MAGI2: variants seen among roughly 807,000 people sequenced by gnomAD.
The protein encoded by MAGI2 is membrane-associated guanylate kinase, WW and PDZ domain-containing protein 2.
In MAGI2, 35 loss-of-function variants were observed where a neutral mutation model predicts 133.3. The ratio of observed to expected loss-of-function variants is 0.26; its 90% CI spans 0.20 to 0.35. The LOEUF (loss-of-function observed/expected upper bound fraction) is 0.35, where lower values mean the gene tolerates loss of function less well. MAGI2 is among the 10% of genes least tolerant of loss of function. MAGI2 has a pLI of 1.00. For synonymous variants in MAGI2, 729 were observed against 710.6 expected (o/e 1.03, Z -0.41); for missense variants, 1,636 against 1,863.4 (o/e 0.88, Z 2.25).
intron 21 of MAGI2, among the ~76,000 whole-genome samples, chr7:78,032,095 T>C (rs1809652029): frequency 6.6e-6 from 1 of 151,084 alleles, no homozygotes; most frequent in Non-Finnish European, 1.5e-5. Flanking sequence ...CCTGGAGCTG[T>C]CCAATTGTGT....
rs73701605 is a variant in MAGI2, at chr7:78,545,790, G to C, written c.539-24145C>G. On this transcript the variant is annotated intron_variant, in intron 3 of 21. Transcript: ENST00000354212. ...CATTAAATTTAGTCAACATGAGACTGATTAACTGGAATTTATTTAAAATTT... is the reference window on the plus strand; with the variant it reads ...CATTAAATTTAGTCAACATGAGACTCATTAACTGGAATTTATTTAAAATTT... Among the ~76,000 whole-genome samples, 923 of 152,248 alleles carry C rather than the reference G, an allele frequency of 6.1e-3. 5 individuals are homozygous for C. Among genetic ancestry groups the C allele is most frequent in the African/African-American group, 0.019 (791 of 41,536 alleles).
chr7:79,325,506 T>C (rs1306496541), intron 1 of MAGI2, among the ~76,000 whole-genome samples: 5 of 152,144 alleles, frequency 3.3e-5, no homozygotes, highest in African/African-American at 1.2e-4. Context: ...AATAGGTGTA[T>C]CAGTTATGGT....
intron 1 of MAGI2, among the ~76,000 whole-genome samples, chr7:79,151,763 T>G (rs1332953609): frequency 6.6e-6 from 1 of 152,126 alleles, no homozygotes; most frequent in Non-Finnish European, 1.5e-5. Context: ...AAGGTGTTTG[T>G]GGAGAGACAA....
At chr7:78,246,265 G>A (rs1165991594) in intron 10 of MAGI2, among the ~76,000 whole-genome samples, 4 of 152,130 alleles carry the variant, frequency 2.6e-5, no homozygotes, top group South Asian at 2.1e-4. Context: ...GAGGAGTCAT[G>A]TCCCACCAGT....
At chr7:78,961,861 G>A (rs1197368636) in intron 2 of MAGI2, among the ~76,000 whole-genome samples, 1 of 151,724 alleles carries the variant, frequency 6.6e-6, no homozygotes, top group Non-Finnish European at 1.5e-5. Flanking sequence ...AAACCTAGAT[G>A]GTATAGCCTA....
At chr7:78,919,575 A>T (rs902907938) in intron 2 of MAGI2, among the ~76,000 whole-genome samples, 1 of 152,264 alleles carries the variant, frequency 6.6e-6, no homozygotes, top group African/African-American at 2.4e-5. Flanking sequence ...TCAGTAATGT[A>T]TCACTTATTC....
At chr7:78,470,332 A>G (rs1304806895) in intron 6 of MAGI2, among the ~76,000 whole-genome samples, 1 of 152,148 alleles carries the variant, frequency 6.6e-6, no homozygotes, top group Non-Finnish European at 1.5e-5. Context: ...AACTATGTTT[A>G]ACCAGCACTG....
intron 10 of MAGI2, among the ~76,000 whole-genome samples, chr7:78,248,535 A>G (rs1792037686): frequency 6.6e-6 from 1 of 152,168 alleles, no homozygotes; most frequent in African/African-American, 2.4e-5. Flanking sequence ...ACTCACATTA[A>G]CCTTAAGGAC....
At chr7:79,278,237 G>A (rs1835378262) in intron 1 of MAGI2, among the ~76,000 whole-genome samples, 1 of 152,022 alleles carries the variant, frequency 6.6e-6, no homozygotes, top group African/African-American at 2.4e-5. Context: ...CCATGTAATG[G>A]GCCTGCTCCT....
intron 9 of MAGI2, among the ~76,000 whole-genome samples, chr7:78,280,916 G>A (rs932789046): frequency 6.7e-6 from 1 of 149,438 alleles, no homozygotes; most frequent in Non-Finnish European, 1.5e-5. Flanking sequence ...CTTCCCACCA[G>A]TTCACTCTAT....
chr7:79,162,863 T>G (rs1198365358), intron 1 of MAGI2, among the ~76,000 whole-genome samples: 4 of 152,102 alleles, frequency 2.6e-5, no homozygotes, highest in African/African-American at 4.8e-5. Context: ...AAGTCAGTCT[T>G]ATAACTTTGA....
At chr7:78,697,233 C>G (rs1376194490) in intron 2 of MAGI2, among the ~76,000 whole-genome samples, 1 of 152,086 alleles carries the variant, frequency 6.6e-6, no homozygotes, top group Admixed American at 6.6e-5. Context: ...AGTTGATTCT[C>G]CGCAGTGTTG....
intron 3 of MAGI2, among the ~76,000 whole-genome samples, chr7:78,580,779 G>C (rs983132617): frequency 1.3e-5 from 2 of 152,114 alleles, no homozygotes; most frequent in Non-Finnish European, 2.9e-5. Context: ...AACATTTGAT[G>C]AGGACAAATT....
chr7:78,453,221 A>T lies in MAGI2; in HGVS notation c.1045+36540T>A, dbSNP rs541161350. On this transcript the variant is annotated intron_variant, in intron 6 of 21. Coordinates refer to ENST00000354212, the MANE Select transcript of MAGI2 (RefSeq NM_012301.4). ...TTTCTCGACATGTACAGCAGTTAAA[A>T]CACCAAGGTACTGCAGGGACAGGTG... Among the ~76,000 whole-genome samples the T allele has an allele frequency of 5.9e-5, 9 of 152,298 alleles. No individual in the cohort carries two copies. In the East Asian group the frequency reaches 1.7e-3, roughly 29 times the overall value.
At chr7:78,482,535 T>A (rs1563064979) in intron 6 of MAGI2, among the ~76,000 whole-genome samples, 1 of 151,862 alleles carries the variant, frequency 6.6e-6, no homozygotes, top group Non-Finnish European at 1.5e-5. Flanking sequence ...CAGACTGTGG[T>A]ACCATCCATG....
intron 1 of MAGI2, among the ~76,000 whole-genome samples, chr7:79,229,141 G>GAA (rs1210365074): frequency 1.1e-4 from 15 of 140,298 alleles, no homozygotes; most frequent in Admixed American, 3.5e-4. Context: ...CTAAGCACAG[G>GAA]AAAAAAAAAA....
At chr7:79,108,936 G>A (rs1442764297) in intron 1 of MAGI2, among the ~76,000 whole-genome samples, 3 of 152,172 alleles carry the variant, frequency 2.0e-5, no homozygotes, top group Admixed American at 1.3e-4. Context: ...CATGTGACAT[G>A]CTGGCTCCCT....
At chr7:78,761,991 T>C (rs1470473179) in intron 2 of MAGI2, among the ~76,000 whole-genome samples, 2 of 152,194 alleles carry the variant, frequency 1.3e-5, no homozygotes, top group East Asian at 3.9e-4. Context: ...GCATGGACTC[T>C]ATCCGGAATT....
chr7:79,273,423 T>G (rs970123970), intron 1 of MAGI2, among the ~76,000 whole-genome samples: 1 of 152,052 alleles, frequency 6.6e-6, no homozygotes, highest in African/African-American at 2.4e-5. Context: ...ATAAGAAGAT[T>G]CAAGAGGAAA....
Sources: allele counts gnomAD v4.1 joint callset (sites outside exome capture counted in the v4.1 genomes callset), GRCh38; gene constraint gnomAD v4.1.1; transcripts MANE v1.5; gene names NCBI Gene and HGNC (gene_info 2026-07-23, HGNC 2026-07-21).